Variants in JPT2 observed in about 807,000 individuals in gnomAD.
JPT2 encodes the protein CRAMP_1 like.
A neutral mutation model predicts 15.9 loss-of-function variants in JPT2; 9 were observed. That is an observed-to-expected ratio of 0.57 (90% CI 0.34 to 0.99). The LOEUF is 0.99. JPT2 is among the 50% of genes least tolerant of loss of function. The pLI is 0.02. For synonymous variants in JPT2, 95 were observed against 91.7 expected (o/e 1.04, Z -0.21); for missense variants, 267 against 252.1 (o/e 1.06, Z -0.40).
At position 1,700,535 on chromosome 16, in the gene JPT2, AG is replaced by A; in HGVS notation, c.*1538del. 25 of 186,090 alleles carry A rather than the reference AG, an allele frequency of 1.3e-4. No homozygotes were observed. Among genetic ancestry groups the A allele is most frequent in the East Asian group, 3.4e-4 (3 of 8,730 alleles). 11.5% of individuals were successfully genotyped at this position (186,090 alleles called of 1,614,324 possible). A position where few individuals can be genotyped will look rare whatever the true frequency, so the allele number is the denominator to read the frequency against. ...GCCTCACTGCTTAAGTGCCTGCAGG[AG>A]CCGCCTGCCAAGCTCCCCTTCCTAC... On this transcript the variant is annotated 3_prime_UTR_variant, in exon 5 of 5. Transcript: ENST00000248098.
At chr16:1,690,957 C>T (rs777820987) in intron 2 of JPT2, among the ~76,000 whole-genome samples, 1 of 152,230 alleles carries the variant, frequency 6.6e-6, no homozygotes, top group Non-Finnish European at 1.5e-5. Flanking sequence ...CAGATGAGGA[C>T]TGTGGGACAC....
intron 1 of JPT2, chr16:1,683,448 T>TA: frequency 3.5e-6 from 4 of 1,141,948 alleles, no homozygotes; most frequent in Non-Finnish European, 5.0e-6. Flanking sequence ...TGGTTATTTT[T>TA]AAAAAATAAT....
rs747693820 is a variant in JPT2 at position 1,685,559 on chromosome 16, G to C, written c.165G>C (p.Gln55His). Residue 55 changes from glutamine to histidine, a missense_variant, in exon 2 of 5, where the codon CAG (glutamine) becomes CAC (histidine). Coordinates refer to ENST00000248098, the MANE Select transcript of JPT2 (RefSeq NM_144570.3). The stretch of plus-strand genomic sequence containing the variant: ...TTTTTGGACCAACAGAAGAACCTCA[G>C]AACATACCCAAGAGGACAAATCCCC... ...SNIFGPTEEP[Q>H]NIPKRTNPPG... 2.5e-6 allele frequency: 4 copies of C among 1,614,024 alleles called. No individual in the cohort carries two copies. In the African/African-American group the frequency reaches 5.3e-5, roughly 22 times the overall value.
chr16:1,681,220 A>G (rs1276053908), intron 1 of JPT2, among the ~76,000 whole-genome samples: 3 of 152,092 alleles, frequency 2.0e-5, no homozygotes, highest in Admixed American at 6.6e-5. Context: ...TGAAAGGTCT[A>G]TTGAACGCTC....
Position 1,692,180 on chromosome 16 carries a change from G to A in JPT2, c.336+195G>A, listed in dbSNP as rs1166018370. ...CCAGGAAACAGTCCAGCCTTGTGCTGACTGAAGCCGTGGGGGAAGCTCTTC... is the reference window on the plus strand; with the variant it reads ...CCAGGAAACAGTCCAGCCTTGTGCTAACTGAAGCCGTGGGGGAAGCTCTTC... On this transcript the variant is annotated intron_variant, in intron 3 of 4. Coordinates refer to ENST00000248098, the MANE Select transcript of JPT2 (RefSeq NM_144570.3). The A allele has an allele frequency of 1.3e-5, 9 of 702,568 alleles. No individual in the cohort carries two copies. In the East Asian group the frequency reaches 2.0e-4, roughly 16 times the overall value. 43.5% of individuals were successfully genotyped at this position (702,568 alleles called of 1,614,324 possible).
At chr16:1,691,776 CG>C in intron 2 of JPT2, 66 bp from the exon 3 acceptor site, 1 of 1,248,740 alleles carries the variant, frequency 8.0e-7, no homozygotes, top group Non-Finnish European at 1.0e-6. Flanking sequence ...CAAAGCACTG[CG>C]GGGGTGGGGT....
At chr16:1,687,979 C>G (rs1341517897) in intron 2 of JPT2, among the ~76,000 whole-genome samples, 2 of 152,198 alleles carry the variant, frequency 1.3e-5, no homozygotes, top group African/African-American at 2.4e-5. Flanking sequence ...GAATGTTTAT[C>G]AATTCCCATT....
intron 1 of JPT2, among the ~76,000 whole-genome samples, chr16:1,679,325 C>G (rs1382145045): frequency 6.6e-6 from 1 of 152,172 alleles, no homozygotes; most frequent in East Asian, 1.9e-4. Flanking sequence ...AGCCTTTTGG[C>G]TATGATCAAG....
chr16:1,681,453 A>T (rs1326309855), intron 1 of JPT2, among the ~76,000 whole-genome samples: 2 of 152,140 alleles, frequency 1.3e-5, no homozygotes, highest in African/African-American at 4.8e-5. Flanking sequence ...AATATTAAAT[A>T]TTGTGTTTCC....
At chr16:1,683,275 C>T (rs928285137) in intron 1 of JPT2, among the ~76,000 whole-genome samples, 2 of 151,994 alleles carry the variant, frequency 1.3e-5, no homozygotes, top group African/African-American at 4.8e-5. Context: ...CACGCCTGGC[C>T]TTATTTTTGT....
intron 3 of JPT2, among the ~76,000 whole-genome samples, chr16:1,695,359 C>T (rs11864786): frequency 5.3e-5 from 8 of 150,582 alleles, no homozygotes; most frequent in African/African-American, 1.5e-4. Context: ...GAGCTGAGAT[C>T]GTGCTATTGC....
chr16:1,680,408 G>GACT (rs895682426), intron 1 of JPT2: 114 of 1,147,728 alleles, frequency 9.9e-5, no homozygotes, highest in Non-Finnish European at 1.2e-4. Flanking sequence ...TACCCTGGGG[G>GACT]ACTGGTTTCT....
At chr16:1,697,152 C>A (rs1036500193) in intron 3 of JPT2, among the ~76,000 whole-genome samples, 4 of 152,196 alleles carry the variant, frequency 2.6e-5, no homozygotes, top group Non-Finnish European at 5.9e-5. Context: ...ACACACGCTA[C>A]AGCATGGATG....
chr16:1,681,692 C>T (rs764109810), intron 1 of JPT2, among the ~76,000 whole-genome samples: 1 of 152,202 alleles, frequency 6.6e-6, no homozygotes, highest in Admixed American at 6.5e-5. Context: ...GGGGTAAGGA[C>T]TTGCTTTCCT....
At position 1,699,002 on chromosome 16, in the gene JPT2, A is replaced by G. The variant is rs1339432021; in HGVS notation, c.*4A>G. On this transcript the variant is annotated 3_prime_UTR_variant, in exon 5 of 5. Transcript: ENST00000248098. ...ATCCAGCATCTCCTTCTACTAAGAG[A>G]AGCCACTGCTCCACCCGGAGCCAGA... The G allele has an allele frequency of 3.7e-6, 6 of 1,611,920 alleles. No individual in the cohort carries two copies. The highest frequency in any genetic ancestry group is 5.1e-6 in the Non-Finnish European group (6 of 1,178,762).
In JPT2 at chr16:1,691,885, A is replaced by G; in HGVS notation, c.236A>G (p.Gln79Arg). ...ATCTTTGACGAATCAACCCCCGTGC[A>G]GACTCGACAGCACCTGAACCCACCT... Reference protein sequence around the residue: ...SGIFDESTPVQTRQHLNPPGG... With the variant: ...SGIFDESTPVRTRQHLNPPGG... Residue 79 changes from glutamine (Q) to arginine (R), a missense_variant, in exon 3 of 5, where the codon CAG (glutamine) becomes CGG (arginine). Coordinates refer to ENST00000248098, the MANE Select transcript of JPT2 (RefSeq NM_144570.3). 6.2e-7 allele frequency: 1 copy of G among 1,614,156 alleles called. No individual in the cohort carries two copies. The highest frequency in any genetic ancestry group is 8.5e-7 in the Non-Finnish European group (1 of 1,180,024).
intron 3 of JPT2, among the ~76,000 whole-genome samples, chr16:1,692,695 T>C (rs1165412341): frequency 6.6e-6 from 1 of 152,246 alleles, no homozygotes; most frequent in African/African-American, 2.4e-5. Flanking sequence ...TAGGGTTTAC[T>C]GCAGCCACCG....
At chr16:1,689,581 C>A (rs571124298) in intron 2 of JPT2, 2 of 152,304 alleles carry the variant, frequency 1.3e-5, no homozygotes, top group South Asian at 2.1e-4. Context: ...CTCACCTCAA[C>A]CTTCTGAGGA....
intron 1 of JPT2, among the ~76,000 whole-genome samples, chr16:1,681,338 C>T (rs1411541049): frequency 6.6e-6 from 1 of 152,240 alleles, no homozygotes; most frequent in African/African-American, 2.4e-5. Flanking sequence ...TGCCCCTTGC[C>T]TGGGGCTGGG....
Sources: allele counts gnomAD v4.1 joint callset (sites outside exome capture counted in the v4.1 genomes callset), GRCh38; gene constraint gnomAD v4.1.1; transcripts MANE v1.5; gene names NCBI Gene and HGNC (gene_info 2026-07-23, HGNC 2026-07-21).